Variants in SNX29 observed in about 807,000 individuals in gnomAD.
SNX29 encodes sorting nexin 29.
SNX29 carries 78 observed loss-of-function variants against 102.1 expected under a neutral mutation model. The ratio of observed to expected loss-of-function variants is 0.76; its 90% CI spans 0.64 to 0.92. The LOEUF (loss-of-function observed/expected upper bound fraction) is 0.92, where lower values mean the gene tolerates loss of function less well. Among genes scored for constraint, SNX29 ranks in the 40% least tolerant of loss-of-function variants. The pLI, the probability that SNX29 is intolerant of heterozygous loss-of-function variation, is 0.00. For missense variants in SNX29, 1,280 were observed against 1,061.7 expected (o/e 1.21, Z -2.86); for synonymous variants, 580 against 414.5 (o/e 1.40, Z -4.85).
At chr16:12,221,150 G>A (rs1177659328) in intron 14 of SNX29, among the ~76,000 whole-genome samples, 2 of 151,390 alleles carry the variant, frequency 1.3e-5, no homozygotes, top group Admixed American at 6.6e-5. Flanking sequence ...CATTTTCTGC[G>A]AGGCACACGT....
At chr16:12,512,061 T>C (rs967229332) in intron 19 of SNX29, among the ~76,000 whole-genome samples, 2 of 151,708 alleles carry the variant, frequency 1.3e-5, no homozygotes, top group Non-Finnish European at 2.9e-5. Context: ...GCGGATGGGA[T>C]GGGGGAGAGT....
chr16:12,552,466 A>C (rs1286964968), intron 20 of SNX29, among the ~76,000 whole-genome samples: 1 of 152,184 alleles, frequency 6.6e-6, no homozygotes, highest in African/African-American at 2.4e-5. Flanking sequence ...GGTCCATCTC[A>C]TCACCCAACG....
At chr16:12,212,965 T>A (rs2077226432) in intron 14 of SNX29, among the ~76,000 whole-genome samples, 2 of 152,172 alleles carry the variant, frequency 1.3e-5, no homozygotes, top group South Asian at 4.2e-4. Context: ...AATACAAAAA[T>A]TAGCTGGGCA....
At chr16:12,372,140 A>G (rs2082709138) in intron 16 of SNX29, among the ~76,000 whole-genome samples, 1 of 152,252 alleles carries the variant, frequency 6.6e-6, no homozygotes, top group African/African-American at 2.4e-5. Flanking sequence ...AGGCATATAT[A>G]TACACACACA....
intron 20 of SNX29, among the ~76,000 whole-genome samples, chr16:12,527,781 C>T (rs1466221763): frequency 6.6e-6 from 1 of 151,932 alleles, no homozygotes; most frequent in African/African-American, 2.4e-5. Context: ...TTTTATTTAG[C>T]CAGTATAGTG....
chr16:12,547,777 C>T (rs926032004), intron 20 of SNX29, among the ~76,000 whole-genome samples: 1 of 152,184 alleles, frequency 6.6e-6, no homozygotes, highest in African/African-American at 2.4e-5. Flanking sequence ...TCACACTTGC[C>T]TGGCTACCGA....
At position 12,127,953 on chromosome 16, in the gene SNX29, G is replaced by C. The variant is rs143327649; in HGVS notation, c.1466+1257G>C. Among the ~76,000 whole-genome samples, 15 of 152,142 alleles carry C rather than the reference G, an allele frequency of 9.9e-5. No homozygotes were observed. In the East Asian group the frequency reaches 2.9e-3, roughly 30 times the overall value. On this transcript the variant is annotated intron_variant, in intron 12 of 20. Transcript: ENST00000566228. ...CTGCCTCCCTGGGACGTGGGGAGAG[G>C]GGGGTGTGTGTTCACGTCACCCTTT...
chr16:12,345,866 C>T (rs1471884300), intron 15 of SNX29, among the ~76,000 whole-genome samples: 1 of 152,124 alleles, frequency 6.6e-6, no homozygotes, highest in African/African-American at 2.4e-5. Context: ...TAGTGGAAAG[C>T]CATTGAAGAA....
Position 12,098,104 on chromosome 16 carries a change from G to A in SNX29, c.1402+19189G>A, listed in dbSNP as rs1490923247. Among the ~76,000 whole-genome samples the A allele has an allele frequency of 2.6e-5, 4 of 152,218 alleles. No homozygotes were observed. The highest frequency in any genetic ancestry group is 4.4e-5 in the Non-Finnish European group (3 of 68,044). The stretch of plus-strand genomic sequence containing the variant: ...GCAGTGCCCGCACACGCTGGGCCCA[G>A]AGGACGCTCAGTACGTGGCCGGGGT... On this transcript the variant is annotated intron_variant, in intron 11 of 20. Coordinates refer to ENST00000566228, the MANE Select transcript of SNX29 (RefSeq NM_032167.5). This position sits in a 1 kb window ranked among gnomAD's most constrained non-coding sequence, Gnocchi z 6.0.
intron 20 of SNX29, among the ~76,000 whole-genome samples, chr16:12,531,425 C>T (rs1245139616): frequency 6.6e-6 from 1 of 152,174 alleles, no homozygotes; most frequent in African/African-American, 2.4e-5. Flanking sequence ...AGACAGAAGG[C>T]AGGGAGGGCC....
intron 20 of SNX29, among the ~76,000 whole-genome samples, chr16:12,563,884 G>GCCT (rs2078872012): frequency 6.6e-6 from 1 of 152,104 alleles, no homozygotes. Context: ...TAGCCCCTTG[G>GCCT]GCCTCTGCCG....
chr16:12,230,485 G>A (rs1264997704), intron 14 of SNX29, among the ~76,000 whole-genome samples: 4 of 152,154 alleles, frequency 2.6e-5, no homozygotes, highest in Non-Finnish European at 5.9e-5. Context: ...GCTTGTTTGT[G>A]GAAACTGGAC....
intron 16 of SNX29, among the ~76,000 whole-genome samples, chr16:12,383,171 A>G (rs1447916428): frequency 6.6e-6 from 1 of 152,068 alleles, no homozygotes. Context: ...CTCCATTCCC[A>G]TCCCCTGAGG....
At chr16:12,021,542 T>C (rs914105414) in intron 3 of SNX29, among the ~76,000 whole-genome samples, 1 of 152,168 alleles carries the variant, frequency 6.6e-6, no homozygotes, top group Admixed American at 6.6e-5. Context: ...TGCAAAAGTA[T>C]AGGATTCTTA....
At chr16:12,102,920 G>A (rs529201831) in intron 11 of SNX29, among the ~76,000 whole-genome samples, 2 of 152,166 alleles carry the variant, frequency 1.3e-5, no homozygotes, top group East Asian at 1.9e-4. Flanking sequence ...ACTAATAATA[G>A]AGAGCCAAAT....
chr16:12,196,018 CT>C (rs1360817346), intron 13 of SNX29, among the ~76,000 whole-genome samples: 2 of 118,172 alleles, frequency 1.7e-5, no homozygotes, highest in Admixed American at 2.1e-4. Flanking sequence ...GAGACAAGGT[CT>C]TACTCTGTCA....
At chr16:12,422,710 G>A (rs2084918713) in intron 18 of SNX29, among the ~76,000 whole-genome samples, 1 of 151,746 alleles carries the variant, frequency 6.6e-6, no homozygotes, top group African/African-American at 2.4e-5. Flanking sequence ...AACCCAATCA[G>A]CAAACTACAC....
chr16:12,218,757 T>G (rs956750732), intron 14 of SNX29, among the ~76,000 whole-genome samples: 1 of 152,134 alleles, frequency 6.6e-6, no homozygotes, highest in East Asian at 1.9e-4. Flanking sequence ...TTAGGTTGTT[T>G]CCAGGTTTTT....
At chr16:12,336,612 C>G (rs1382476351) in intron 15 of SNX29, among the ~76,000 whole-genome samples, 1 of 152,188 alleles carries the variant, frequency 6.6e-6, no homozygotes, top group Non-Finnish European at 1.5e-5. Flanking sequence ...TGACAAGTCA[C>G]CTGTCCTTCC....
Sources: gnomAD v4.1 joint callset for allele counts (sites outside exome capture counted in the v4.1 genomes callset) on GRCh38, gnomAD v4.1.1 for gene constraint, Gnocchi (gnomAD v3.1) non-coding constraint, MANE v1.5 for transcripts, NCBI Gene and HGNC (gene_info 2026-07-23, HGNC 2026-07-21) for gene names.